The following STK31 variants were observed in gnomAD, a reference collection of about 807,000 sequenced individuals.
STK31 encodes the protein serine/threonine kinase 31, also known as serine/threonine-protein kinase 31.
A neutral mutation model predicts 129.7 loss-of-function variants in STK31; 89 were observed. The ratio of observed to expected loss-of-function variants is 0.69; its 90% CI spans 0.58 to 0.82. The LOEUF (loss-of-function observed/expected upper bound fraction) is 0.82, where lower values mean the gene tolerates loss of function less well. STK31 is among the 40% of genes least tolerant of loss of function. The pLI, the probability that STK31 is intolerant of heterozygous loss-of-function variation, is 0.00. For synonymous variants in STK31, 448 were observed against 395.3 expected (o/e 1.13, Z -1.58); for missense variants, 1,187 against 1,176.4 (o/e 1.01, Z -0.13).
intron 22 of STK31, chr7:23,791,446 G>A: frequency 1.1e-5 from 3 of 273,542 alleles, no homozygotes; most frequent in Non-Finnish European, 1.7e-5. Flanking sequence ...CACAAAGAAG[G>A]GACACTGGGG....
intron 3 of STK31, among the ~76,000 whole-genome samples, chr7:23,714,950 G>A (rs1381392648): frequency 2.0e-5 from 3 of 152,180 alleles, no homozygotes; most frequent in East Asian, 1.9e-4. Flanking sequence ...TAAAACAGGC[G>A]GCTGTAATTT....
intron 22 of STK31, among the ~76,000 whole-genome samples, chr7:23,813,321 T>C (rs1057291144): frequency 2.6e-5 from 4 of 152,178 alleles, no homozygotes; most frequent in Non-Finnish European, 5.9e-5. Context: ...TAATTGTTTG[T>C]TGAAGCATTT....
At chr7:23,780,235 T>G (rs1175072885) in intron 15 of STK31, among the ~76,000 whole-genome samples, 2 of 152,166 alleles carry the variant, frequency 1.3e-5, no homozygotes, top group Non-Finnish European at 2.9e-5. Flanking sequence ...TCACTCACCT[T>G]GTCTGTTGAT....
chr7:23,710,968 G>T (rs1785917935), intron 1 of STK31, among the ~76,000 whole-genome samples: 1 of 152,108 alleles, frequency 6.6e-6, no homozygotes, highest in Non-Finnish European at 1.5e-5. Flanking sequence ...CAGTAGAAAA[G>T]AACCCTTGCT....
Position 23,825,384 on chromosome 7 carries a change from G to A in STK31, c.2830-6752G>A, listed in dbSNP as rs185303268. 1.7e-3 allele frequency among the ~76,000 whole-genome samples: 261 copies of A among 152,274 alleles called. 2 individuals carry two copies. In the East Asian group the frequency reaches 0.04, roughly 23 times the overall value. On this transcript the variant is annotated intron_variant, in intron 23 of 23. Coordinates refer to ENST00000355870, the MANE Select transcript of STK31 (RefSeq NM_031414.5). ...CTTCTAGATTTTCTAGTTTATTTGC[G>A]TAGAGGTGTTTATAGTATTCTCTGA...
At chr7:23,730,431 A>G (rs968327212) in intron 6 of STK31, among the ~76,000 whole-genome samples, 1 of 152,170 alleles carries the variant, frequency 6.6e-6, no homozygotes, top group Non-Finnish European at 1.5e-5. Context: ...ATATTATAAA[A>G]TTACACCCCA....
rs758237774 is a variant in STK31 at position 23,771,084 on chromosome 7, T to C, written c.1793T>C (p.Leu598Pro). Residue 598 changes from leucine to proline, a missense_variant, in exon 14 of 24, where the codon CTC becomes CCC. Physicochemically the swap from Leu to Pro is moderately conservative, Grantham distance 98. Coordinates refer to ENST00000355870, the MANE Select transcript of STK31 (RefSeq NM_031414.5). ...VLQKIHSEER[L>P]IATVQAKYKD... ...CAAAAGATTCATTCAGAGGAAAGGCTCATTGCCACAGTACAAGCTAAGTAC... is the reference window on the plus strand; with the variant it reads ...CAAAAGATTCATTCAGAGGAAAGGCCCATTGCCACAGTACAAGCTAAGTAC... 1.9e-6 allele frequency: 3 copies of C among 1,612,990 alleles called. No individual in the cohort carries two copies. In the South Asian group the frequency reaches 3.3e-5, roughly 18 times the overall value.
At chr7:23,752,087 G>A (rs1336781115) in intron 8 of STK31, among the ~76,000 whole-genome samples, 1 of 151,926 alleles carries the variant, frequency 6.6e-6, no homozygotes, top group Non-Finnish European at 1.5e-5. Context: ...TGTACCTAAT[G>A]CAACAGAACT....
intron 23 of STK31, among the ~76,000 whole-genome samples, chr7:23,816,398 G>A (rs1028930136): frequency 6.6e-6 from 1 of 152,148 alleles, no homozygotes; most frequent in Non-Finnish European, 1.5e-5. Context: ...CTGAAATTTA[G>A]TTTAAACTTA....
chr7:23,831,815 G>A (rs992399852), intron 23 of STK31, among the ~76,000 whole-genome samples: 8 of 152,072 alleles, frequency 5.3e-5, no homozygotes, highest in African/African-American at 1.4e-4. Context: ...TAGTAGAGAC[G>A]GGGTTTCACT....
At chr7:23,830,624 G>GTGTA (rs1365406488) in intron 23 of STK31, among the ~76,000 whole-genome samples, 7 of 143,574 alleles carry the variant, frequency 4.9e-5, no homozygotes, top group African/African-American at 1.8e-4. Flanking sequence ...GTGTGTGTGT[G>GTGTA]TGTGTTGTTT....
rs183875420 is a variant in STK31 at position 23,810,080 on chromosome 7, C to T, written c.2761-5064C>T. On this transcript the variant is annotated intron_variant, in intron 22 of 23. Coordinates refer to ENST00000355870, the MANE Select transcript of STK31 (RefSeq NM_031414.5). ...ACTCTATCTTGTGGTTTAAGGTCATCTTGTATAATATGTACATATTTAGGA... is the reference window on the plus strand; with the variant it reads ...ACTCTATCTTGTGGTTTAAGGTCATTTTGTATAATATGTACATATTTAGGA... 5.5e-4 allele frequency among the ~76,000 whole-genome samples: 84 copies of T among 152,222 alleles called. 1 individual carries two copies. Among genetic ancestry groups the T allele is most frequent in the African/African-American group, 1.7e-3 (72 of 41,522 alleles).
chr7:23,806,068 T>G (rs1014528172), intron 22 of STK31, among the ~76,000 whole-genome samples: 1 of 152,212 alleles, frequency 6.6e-6, no homozygotes, highest in Non-Finnish European at 1.5e-5. Flanking sequence ...CACATATTAT[T>G]AAGCCTGGAA....
chr7:23,743,124 T>C (rs1788153109), intron 8 of STK31, among the ~76,000 whole-genome samples: 1 of 152,088 alleles, frequency 6.6e-6, no homozygotes, highest in Non-Finnish European at 1.5e-5. Flanking sequence ...AGTTAATTTT[T>C]GTACTTTTTA....
In STK31 at chr7:23,729,577, CT is replaced by C. The variant is rs1434179243; in HGVS notation, c.483+329del. ...CCAGGCTGGAGTGCAGTAGCGTGAT[CT>C]CGGCTCACTGCAACCTCTGCCTCCC... On this transcript the variant is annotated intron_variant, in intron 6 of 23. Coordinates refer to ENST00000355870, the MANE Select transcript of STK31 (RefSeq NM_031414.5). Among the ~76,000 whole-genome samples, 3 of 143,420 alleles carry C rather than the reference CT, an allele frequency of 2.1e-5. No homozygotes were observed. The East Asian group carries it at 6.3e-4, about 30-fold the overall frequency. The allele number at this position is 143,420 out of a possible 152,430, so 94.1% of individuals were successfully genotyped here. A position where few individuals can be genotyped will look rare whatever the true frequency, so the allele number is the denominator to read the frequency against.
chr7:23,717,000 AT>A (rs1470096496), intron 3 of STK31, among the ~76,000 whole-genome samples: 2 of 147,348 alleles, frequency 1.4e-5, no homozygotes, highest in Middle Eastern at 3.4e-3. Context: ...ATTTCACCAC[AT>A]TGCCAAGCTA....
At position 23,784,133 on chromosome 7, in the gene STK31, G is replaced by A. The variant is rs569694469; in HGVS notation, c.2148+470G>A. Among the ~76,000 whole-genome samples, 7 of 152,232 alleles carry A rather than the reference G, an allele frequency of 4.6e-5. No homozygotes were observed. The East Asian group carries it at 1.4e-3, about 29-fold the overall frequency. The stretch of plus-strand genomic sequence containing the variant: ...CTAGGTAGGCAGGATTCAAAAGCTG[G>A]AGATCAGCATATTAAATAGGGGCCA... On this transcript the variant is annotated intron_variant, in intron 17 of 23. Transcript: ENST00000355870.
At chr7:23,712,339 C>T (rs1786026744) in intron 3 of STK31, 53 bp downstream of exon 3, 1 of 1,552,738 alleles carries the variant, frequency 6.4e-7, no homozygotes, top group Admixed American at 1.8e-5. Context: ...TCCAGTTCCT[C>T]CCCAACAAAA....
At chr7:23,757,845 A>G (rs1304954864) in intron 10 of STK31, among the ~76,000 whole-genome samples, 10 of 152,224 alleles carry the variant, frequency 6.6e-5, no homozygotes, top group African/African-American at 2.4e-4. Context: ...AACCTTGGAC[A>G]AGACCTGGCT....
Sources: gnomAD v4.1 joint callset for allele counts (sites outside exome capture counted in the v4.1 genomes callset) on GRCh38, gnomAD v4.1.1 for gene constraint, MANE v1.5 for transcripts, NCBI Gene and HGNC (gene_info 2026-07-23, HGNC 2026-07-21) for gene names.